Variants in GNL3L observed in about 807,000 individuals in gnomAD.
The protein encoded by GNL3L is G protein nucleolar 3 like.
GNL3L carries 4 observed loss-of-function variants against 42.9 expected under a neutral mutation model. That is an observed-to-expected ratio of 0.09 (90% CI 0.05 to 0.21). GNL3L has a LOEUF of 0.21. GNL3L is among the 10% of genes least tolerant of loss of function. The pLI, the probability that GNL3L is intolerant of heterozygous loss-of-function variation, is 1.00. For synonymous variants in GNL3L, 159 were observed against 176.3 expected, an observed-to-expected ratio of 0.90 and a Z score of 0.78; for missense variants, 412 against 481.7, an observed-to-expected ratio of 0.86 and a Z score of 1.36.
rs374673725 is a variant in GNL3L at position 54,613,038 on chromosome X, G to A, written c.*46-7807G>A. On this transcript the variant is annotated intron_variant, in intron 16 of 16. Transcript: ENST00000674498. ...CTGAATATGTTTTCCAAGCTTTTAC[G>A]GTTCTCTTCTTTCTTAGGAACACTG... Among the ~76,000 whole-genome samples, 12 of 111,280 alleles carry A rather than the reference G, an allele frequency of 1.1e-4. No individual in the cohort carries two copies. The East Asian group carries it at 3.4e-3, about 32-fold the overall frequency.
At chrX:54,588,078 A>G (rs926458862) in intron 16 of GNL3L, among the ~76,000 whole-genome samples, 3 of 112,317 alleles carry the variant, frequency 2.7e-5, no homozygotes, top group African/African-American at 9.7e-5. Flanking sequence ...TGATTTTGCT[A>G]AACTCACTAA....
chrX:54,599,376 G>T lies in GNL3L; in HGVS notation c.*46-21469G>T, dbSNP rs992847965. Among the ~76,000 whole-genome samples the T allele has an allele frequency of 3.6e-5, 4 of 111,202 alleles. No homozygotes were observed. In the East Asian group the frequency reaches 1.1e-3, roughly 31 times the overall value. On this transcript the variant is annotated intron_variant, in intron 16 of 16. Transcript: ENST00000674498. ...TTAAAATATTTTCTTTAGGGAGAAGGAAAATGATATAAATCTGAATCTTGA... is the reference window on the plus strand; with the variant it reads ...TTAAAATATTTTCTTTAGGGAGAAGTAAAATGATATAAATCTGAATCTTGA...
At chrX:54,557,969 C>T (rs1030761985) in intron 14 of GNL3L, among the ~76,000 whole-genome samples, 3 of 110,056 alleles carry the variant, frequency 2.7e-5, no homozygotes, top group Admixed American at 9.7e-5. Context: ...CTGCAACTGC[C>T]GCCTCCCAGG....
In GNL3L at chrX:54,607,131, T is replaced by G. The variant is rs1416569729; in HGVS notation, c.*46-13714T>G. Among the ~76,000 whole-genome samples, 42 of 87,751 alleles carry G rather than the reference T, an allele frequency of 4.8e-4. 1 individual carries two copies. The highest frequency in any genetic ancestry group is 2.1e-3 in the African/African-American group (41 of 19,981). The allele number at this position is 87,751 out of a possible 115,157, so 76.2% of individuals were successfully genotyped here. A position where few individuals can be genotyped will look rare whatever the true frequency, so the allele number is the denominator to read the frequency against. ...TTTCTTTCTTTCTTTCTTTCTTTCT[T>G]TCTTTCTTTGTCTCTCTCTCTCTCT... On this transcript the variant is annotated intron_variant, in intron 16 of 16. Transcript: ENST00000674498.
At chrX:54,599,453 G>A (rs1217097147) in intron 16 of GNL3L, among the ~76,000 whole-genome samples, 1 of 111,270 alleles carries the variant, frequency 9.0e-6, no homozygotes, top group Non-Finnish European at 1.9e-5. Flanking sequence ...AAATCTGTGT[G>A]CTATAATCAT....
At chrX:54,580,402 A>T (rs1304099237) in intron 16 of GNL3L, among the ~76,000 whole-genome samples, 3 of 110,330 alleles carry the variant, frequency 2.7e-5, no homozygotes, top group African/African-American at 9.9e-5. Context: ...TCTATCATTG[A>T]TGGACATTTG....
intron 8 of GNL3L, among the ~76,000 whole-genome samples, chrX:54,545,590 T>C (rs752175657): frequency 8.9e-6 from 1 of 111,833 alleles, no homozygotes; most frequent in East Asian, 2.8e-4. Flanking sequence ...AATTATATCA[T>C]TAATAGAGAA....
rs1037320687 is a variant in GNL3L, at chrX:54,605,186, A to G, written c.*46-15659A>G. Among the ~76,000 whole-genome samples the G allele has an allele frequency of 3.6e-5, 4 of 111,955 alleles. No individual in the cohort carries two copies. In the Admixed American group the frequency reaches 3.8e-4, roughly 11 times the overall value. On this transcript the variant is annotated intron_variant, in intron 16 of 16. Transcript: ENST00000674498. ...GACCCATTGAATAAAACAGGAAACCATGAATTTCCATTTGCATACATAAAT... is the reference window on the plus strand; with the variant it reads ...GACCCATTGAATAAAACAGGAAACCGTGAATTTCCATTTGCATACATAAAT...
intron 8 of GNL3L, among the ~76,000 whole-genome samples, chrX:54,545,309 C>T (rs1004313241): frequency 5.4e-5 from 6 of 111,306 alleles, no homozygotes; most frequent in Non-Finnish European, 9.4e-5. Context: ...ATCTCTGCTT[C>T]CTGGGTTCAA....
intron 16 of GNL3L, among the ~76,000 whole-genome samples, chrX:54,575,186 T>G (rs1288827103): frequency 8.9e-6 from 1 of 112,433 alleles, no homozygotes; most frequent in Non-Finnish European, 1.9e-5. Flanking sequence ...GTTTCTCATT[T>G]ACTAAAGTAC....
intron 16 of GNL3L, among the ~76,000 whole-genome samples, chrX:54,575,457 G>A (rs1039672040): frequency 3.5e-5 from 4 of 112,821 alleles, no homozygotes; most frequent in African/African-American, 6.4e-5. Flanking sequence ...ATAAGGCCGA[G>A]TGCAGTGGCT....
Position 54,551,026 on chromosome X carries a change from TG to T in GNL3L, c.842del (p.Gly281GlufsTer52). 8.8e-7 allele frequency: 1 copy of T among 1,131,824 alleles called. No individual in the cohort carries two copies. The highest frequency in any genetic ancestry group is 1.2e-6 in the Non-Finnish European group (1 of 822,476). 93.3% of individuals were successfully genotyped at this position (1,131,824 alleles called of 1,213,427 possible). ...NSLKRSRACS[V>X]GAVPGITKFM... ...CTGAAGCGCAGCCGCGCATGCAGCG[TG>T]GGAGCTGTTCCTGGAATTACCAAGT... On this transcript the variant is annotated frameshift_variant, in exon 10 of 16. Coordinates refer to ENST00000360845, the MANE Select transcript of GNL3L (RefSeq NM_001184819.2). LOFTEE classifies it high-confidence loss of function.
At position 54,558,712 on chromosome X, in the gene GNL3L, TG is replaced by T. The variant is rs1419355484; in HGVS notation, c.1666+58del. On this transcript the variant is annotated intron_variant, in intron 15 of 15. Transcript: ENST00000360845. ...AAGGGGCCCACATGGGATCTTTTTT[TG>T]TTTTTTTTTTCTGGCTCACTGCAGT... 7 of 902,725 alleles carry T rather than the reference TG, an allele frequency of 7.8e-6. No individual in the cohort carries two copies. In the African/African-American group the frequency reaches 1.2e-4, roughly 16 times the overall value. 74.4% of individuals were successfully genotyped at this position (902,725 alleles called of 1,213,427 possible). A position where few individuals can be genotyped will look rare whatever the true frequency, so the allele number is the denominator to read the frequency against.
In GNL3L at chrX:54,564,731, CTTTTTTTTT is replaced by C. The variant is rs781526946; in HGVS notation, c.*4141_*4149del. Among the ~76,000 whole-genome samples the C allele has an allele frequency of 1.4e-5, 1 of 71,898 alleles. No homozygotes were observed. Among genetic ancestry groups the C allele is most frequent in the African/African-American group, 5.8e-5 (1 of 17,266 alleles). 62.4% of individuals were successfully genotyped at this position (71,898 alleles called of 115,157 possible). On this transcript the variant is annotated 3_prime_UTR_variant, in exon 16 of 16. Transcript: ENST00000360845. ...TTTTTCTTTGTTCTTATATTTTTGT[CTTTTTTTTT>C]TTTTTTTTTTTGAAACAGAGTCTCA...
At position 54,544,274 on chromosome X, in the gene GNL3L, A is replaced by G; in HGVS notation, c.578A>G (p.Glu193Gly). 1 of 1,197,576 alleles carries G rather than the reference A, an allele frequency of 8.4e-7. No homozygotes were observed. The highest frequency in any genetic ancestry group is 1.1e-6 in the Non-Finnish European group (1 of 883,354). The change falls in exon 8 of 16, where the codon GAG (glutamate) becomes GGG (glycine). Residue 193 changes from glutamate to glycine, a missense_variant. Transcript: ENST00000360845. ...AAATGGCTGGATTACCTTCGGAATG[A>G]GTTGCCAACCGTGGCTTTCAAGGCC... ...VEKWLDYLRN[E>G]LPTVAFKAST...
intron 3 of GNL3L, 132 bp downstream of exon 3, chrX:54,539,233 C>T (rs1462772124): frequency 1.6e-5 from 6 of 375,518 alleles, no homozygotes; most frequent in East Asian, 4.3e-5. Flanking sequence ...CTGGCTTTCC[C>T]TCCTTCTCTG....
Position 54,608,814 on chromosome X carries a change from C to T in GNL3L, c.*46-12031C>T, listed in dbSNP as rs192817302. 2.7e-3 allele frequency among the ~76,000 whole-genome samples: 304 copies of T among 111,916 alleles called. 3 individuals carry two copies. The highest frequency in any genetic ancestry group is 9.6e-3 in the African/African-American group (295 of 30,859). ...CAGTTGTGGATTTTGCTGCTGTAAA[C>T]GCGTGTGCAAGTATCTTTTTTGAAT... On this transcript the variant is annotated intron_variant, in intron 16 of 16. Coordinates refer to the GNL3L transcript ENST00000674498.
chrX:54,572,872 C>T (rs1466724580), intron 16 of GNL3L, among the ~76,000 whole-genome samples: 11 of 91,958 alleles, frequency 1.2e-4, no homozygotes, highest in East Asian at 3.5e-4. Context: ...CAGACGGGGT[C>T]GCAGCCGGGC....
intron 4 of GNL3L, among the ~76,000 whole-genome samples, chrX:54,540,756 C>T (rs1366713991): frequency 9.0e-6 from 1 of 111,024 alleles, no homozygotes; most frequent in Non-Finnish European, 1.9e-5. Context: ...CTCCCGGGTT[C>T]AAGCGATTCT....
Sources: allele counts gnomAD v4.1 joint callset (sites outside exome capture counted in the v4.1 genomes callset), GRCh38; gene constraint gnomAD v4.1.1; transcripts MANE v1.5; gene names NCBI Gene and HGNC (gene_info 2026-07-23, HGNC 2026-07-21).